SCOC: variants seen among roughly 807,000 people sequenced by gnomAD.
The protein encoded by SCOC is short coiled-coil protein.
SCOC carries 7 observed loss-of-function variants against 9.9 expected under a neutral mutation model. The ratio of observed to expected loss-of-function variants is 0.71; its 90% CI spans 0.40 to 1.33. SCOC has a LOEUF of 1.33. Among genes scored for constraint, SCOC ranks in the 40% most tolerant of loss-of-function variants. SCOC has a pLI of 0.01. For missense variants in SCOC, 66 were observed against 89.7 expected (o/e 0.74, Z 1.07); for synonymous variants, 19 against 28.2 (o/e 0.67, Z 1.03).
At chr4:140,280,320 G>A (rs1049824936) in intron 1 of SCOC, among the ~76,000 whole-genome samples, 1 of 152,120 alleles carries the variant, frequency 6.6e-6, no homozygotes, top group Non-Finnish European at 1.5e-5. Flanking sequence ...GTAGAGACAG[G>A]GTTTTGCTAT....
intron 1 of SCOC, among the ~76,000 whole-genome samples, chr4:140,294,468 T>C (rs909011194): frequency 6.6e-5 from 10 of 152,130 alleles, no homozygotes; most frequent in Non-Finnish European, 1.2e-4. Flanking sequence ...ACCCAATTCA[T>C]TGTCAGGAAA....
At chr4:140,305,574 CACCTATA>C (rs1274478959) in intron 1 of SCOC, among the ~76,000 whole-genome samples, 12 of 152,284 alleles carry the variant, frequency 7.9e-5, no homozygotes, top group African/African-American at 2.9e-4. Context: ...GCTCAGATTG[CACCTATA>C]ACTTGCTGAC....
intron 1 of SCOC, among the ~76,000 whole-genome samples, chr4:140,306,207 T>C (rs888155390): frequency 2.0e-5 from 3 of 152,004 alleles, no homozygotes; most frequent in African/African-American, 7.2e-5. Context: ...GCAAGAGAGC[T>C]TGTGTAGGGG....
At chr4:140,317,596 G>T (rs1387055904) in intron 1 of SCOC, among the ~76,000 whole-genome samples, 1 of 149,582 alleles carries the variant, frequency 6.7e-6, no homozygotes, top group East Asian at 2.0e-4. Context: ...CATGAGTCTT[G>T]CTGACGCTCC....
chr4:140,368,808 C>A (rs1481436692), upstream of SCOC, among the ~76,000 whole-genome samples: 2 of 151,994 alleles, frequency 1.3e-5, no homozygotes, highest in African/African-American at 4.8e-5. Context: ...GAGTAGCTAC[C>A]TATGGAGATA....
chr4:140,308,767 T>C (rs1732064449), intron 1 of SCOC, among the ~76,000 whole-genome samples: 2 of 152,374 alleles, frequency 1.3e-5, no homozygotes, highest in South Asian at 4.1e-4. Context: ...CCTCCTGCTA[T>C]GCAAGCTGTC....
chr4:140,320,835 G>T (rs867034059), intron 1 of SCOC, among the ~76,000 whole-genome samples: 3 of 152,174 alleles, frequency 2.0e-5, no homozygotes, highest in Non-Finnish European at 4.4e-5. Context: ...CTTCACTTTG[G>T]GGGCAGGGCA....
upstream of SCOC, among the ~76,000 whole-genome samples, chr4:140,372,486 C>T (rs949452131): frequency 4.6e-5 from 7 of 152,318 alleles, no homozygotes; most frequent in African/African-American, 1.7e-4. Context: ...ATACTGCCTG[C>T]ATCCATTCTC....
intron 2 of SCOC, among the ~76,000 whole-genome samples, chr4:140,363,654 C>G (rs1389027419): frequency 6.6e-6 from 1 of 152,218 alleles, no homozygotes; most frequent in Non-Finnish European, 1.5e-5. Flanking sequence ...GTAGTACATA[C>G]TGTACTACCA....
At chr4:140,272,348 C>A (rs1356020797) in intron 1 of SCOC, among the ~76,000 whole-genome samples, 1 of 152,144 alleles carries the variant, frequency 6.6e-6, no homozygotes, top group Non-Finnish European at 1.5e-5. Context: ...AGCCACTGCG[C>A]CCAGCCTGTG....
chr4:140,364,413 T>G (rs1727698217), intron 2 of SCOC, among the ~76,000 whole-genome samples: 1 of 152,006 alleles, frequency 6.6e-6, no homozygotes, highest in African/African-American at 2.4e-5. Context: ...AGAAAATCAT[T>G]GAGGAGACAG....
At chr4:140,279,769 A>T (rs1731059107) in intron 1 of SCOC, among the ~76,000 whole-genome samples, 1 of 152,206 alleles carries the variant, frequency 6.6e-6, no homozygotes, top group Non-Finnish European at 1.5e-5. Context: ...GTGCTTAAAC[A>T]AGACAGAACT....
At chr4:140,330,393 C>A (rs1165904714) in intron 1 of SCOC, among the ~76,000 whole-genome samples, 1 of 152,020 alleles carries the variant, frequency 6.6e-6, no homozygotes, top group Non-Finnish European at 1.5e-5. Flanking sequence ...TAACCAAACA[C>A]CACTTGTTCC....
At chr4:140,370,780 C>T (rs2126579672), upstream of SCOC, among the ~76,000 whole-genome samples, 1 of 152,170 alleles carries the variant, frequency 6.6e-6, no homozygotes, top group East Asian at 1.9e-4. Context: ...TGAAGGTAAA[C>T]ATTTTTTAAA....
At chr4:140,336,415 C>A (rs1732959413) in intron 1 of SCOC, among the ~76,000 whole-genome samples, 1 of 152,160 alleles carries the variant, frequency 6.6e-6, no homozygotes, top group African/African-American at 2.4e-5. Flanking sequence ...CAACCATCGA[C>A]CTGCTTTCTG....
chr4:140,358,900 T>C (rs1727344088), intron 2 of SCOC, among the ~76,000 whole-genome samples: 1 of 152,234 alleles, frequency 6.6e-6, no homozygotes, highest in Non-Finnish European at 1.5e-5. Context: ...TCACCTAGAA[T>C]ACCTATTCAT....
intron 1 of SCOC, among the ~76,000 whole-genome samples, chr4:140,273,943 A>G (rs1314019048): frequency 6.6e-6 from 1 of 152,238 alleles, no homozygotes; most frequent in African/African-American, 2.4e-5. Flanking sequence ...GTCTGATTGG[A>G]TGATTACCTA....
intron 1 of SCOC, among the ~76,000 whole-genome samples, chr4:140,320,036 G>C (rs745723355): frequency 6.6e-6 from 1 of 152,172 alleles, no homozygotes; most frequent in Non-Finnish European, 1.5e-5. Flanking sequence ...GTAAAATAAG[G>C]CTGAGACCTA....
At chr4:140,367,367 CTTGA>C in intron 2 of SCOC, among the ~76,000 whole-genome samples, 1 of 152,066 alleles carries the variant, frequency 6.6e-6, no homozygotes, top group Admixed American at 6.5e-5. Context: ...TATGATTAAT[CTTGA>C]TTTTAAAGCC....
Sources: allele counts gnomAD v4.1 joint callset (sites outside exome capture counted in the v4.1 genomes callset), GRCh38; gene constraint gnomAD v4.1.1; transcripts MANE v1.5; gene names NCBI Gene and HGNC (gene_info 2026-07-23, HGNC 2026-07-21).